Variants in NFIB observed in about 807,000 individuals in gnomAD.
The protein encoded by NFIB is nuclear factor I B.
A neutral mutation model predicts 61.5 loss-of-function variants in NFIB; 11 were observed. The observed-to-expected ratio is 0.18, with a 90% CI of 0.11 to 0.30. The LOEUF (loss-of-function observed/expected upper bound fraction) is 0.30, where lower values mean the gene tolerates loss of function less well. Ranked by LOEUF, NFIB falls within the 10% of genes least tolerant of loss-of-function variation. NFIB has a pLI of 1.00. For missense variants in NFIB, 471 were observed against 608.9 expected, an observed-to-expected ratio of 0.77 and a Z score of 2.38; for synonymous variants, 260 against 216.5, an observed-to-expected ratio of 1.20 and a Z score of -1.76.
chr9:14,297,079 T>C (rs2059488831), intron 2 of NFIB, among the ~76,000 whole-genome samples: 1 of 152,248 alleles, frequency 6.6e-6, no homozygotes, highest in Non-Finnish European at 1.5e-5. Context: ...CAAGTTGGAC[T>C]AGAAACTTTA....
In NFIB at chr9:14,379,686, T is replaced by C. The variant is rs146094540; in HGVS notation, c.108+18838A>G. Among the ~76,000 whole-genome samples, 90 of 152,254 alleles carry C rather than the reference T, an allele frequency of 5.9e-4. No homozygotes were observed. In the East Asian group the frequency reaches 0.015, roughly 26 times the overall value. On this transcript the variant is annotated intron_variant, in intron 1 of 8. Transcript: ENST00000380934. ...TAGGTTATCAGATTTTATTTATTTA[T>C]TTATTTATTTTTGGAGATGGAGTTT...
At chr9:14,478,211 C>A in the NFIB span, among the ~76,000 whole-genome samples, 1 of 152,006 alleles carries the variant, frequency 6.6e-6, no homozygotes, top group Non-Finnish European at 1.5e-5. Flanking sequence ...AGACTTCCTA[C>A]TAGGAAGCAC....
chr9:14,326,554 A>G lies in NFIB; in HGVS notation c.109-19034T>C, dbSNP rs116542236. On this transcript the variant is annotated intron_variant, in intron 1 of 8. Transcript: ENST00000380934. ...TCTCAAGTGGTTTGTGGTGTCATCA[A>G]AAACCTGAGATGGTGGTATGGCTCA... Among the ~76,000 whole-genome samples, 827 of 152,344 alleles carry G rather than the reference A, an allele frequency of 5.4e-3. 5 individuals are homozygous for G. The highest frequency in any genetic ancestry group is 0.019 in the African/African-American group (789 of 41,580).
the NFIB span, among the ~76,000 whole-genome samples, chr9:14,478,050 A>C: frequency 6.6e-6 from 1 of 152,250 alleles, no homozygotes; most frequent in African/African-American, 2.4e-5. Flanking sequence ...CAAAGCCAAG[A>C]AAGGCTCCCT....
chr9:14,095,495 C>T (rs1302312021), intron 10 of NFIB, among the ~76,000 whole-genome samples: 1 of 152,016 alleles, frequency 6.6e-6, no homozygotes, highest in Non-Finnish European at 1.5e-5. Context: ...CTACCCTGGG[C>T]TTCTTTTCAA....
chr9:14,247,262 G>GAT (rs1478673329), intron 2 of NFIB, among the ~76,000 whole-genome samples: 1 of 152,186 alleles, frequency 6.6e-6, no homozygotes, highest in East Asian at 1.9e-4. Flanking sequence ...TCTCTGGTAT[G>GAT]ATGCACAATG....
chr9:14,420,115 C>G, the NFIB span, among the ~76,000 whole-genome samples: 6 of 152,096 alleles, frequency 3.9e-5, no homozygotes, highest in African/African-American at 1.4e-4. Flanking sequence ...CATGTGAACT[C>G]TGGCTTCAGT....
the NFIB span, among the ~76,000 whole-genome samples, chr9:14,500,424 G>A: frequency 1.3e-5 from 2 of 152,024 alleles, no homozygotes; most frequent in African/African-American, 2.4e-5. Flanking sequence ...GTCAACTAAC[G>A]TTAGCCAACG....
chr9:14,406,616 C>A, the NFIB span, among the ~76,000 whole-genome samples: 1 of 152,242 alleles, frequency 6.6e-6, no homozygotes, highest in Non-Finnish European at 1.5e-5. Flanking sequence ...CTAGCTGTTC[C>A]TCTTTCTTAC....
intron 6 of NFIB, among the ~76,000 whole-genome samples, chr9:14,134,972 T>A (rs1022579045): frequency 5.4e-5 from 8 of 149,096 alleles, no homozygotes; most frequent in Admixed American, 5.3e-4. Context: ...ACAAAAAAAC[T>A]TACAAAATAG....
chr9:14,141,825 C>A (rs183249955), intron 6 of NFIB, among the ~76,000 whole-genome samples: 1 of 146,386 alleles, frequency 6.8e-6, no homozygotes, highest in Non-Finnish European at 1.5e-5. Flanking sequence ...CAGCTGAGGG[C>A]AACCCGCTGG....
At chr9:14,291,806 A>AT (rs1014812011) in intron 2 of NFIB, among the ~76,000 whole-genome samples, 31 of 151,992 alleles carry the variant, frequency 2.0e-4, no homozygotes, top group Non-Finnish European at 3.7e-4. Context: ...TTCAGTTAAA[A>AT]AAAAAAAAAG....
At chr9:14,427,943 T>TTTTTTTTTTTTTG in the NFIB span, among the ~76,000 whole-genome samples, 53 of 76,410 alleles carry the variant, frequency 6.9e-4, 5 homozygotes, top group African/African-American at 3.3e-3. Flanking sequence ...AGTTGTTTTT[T>TTTTTTTTTTTTTG]TTTTTTTTTT....
chr9:14,374,586 A>G (rs2061395525), intron 1 of NFIB, among the ~76,000 whole-genome samples: 1 of 152,204 alleles, frequency 6.6e-6, no homozygotes, highest in South Asian at 2.1e-4. Flanking sequence ...AGTTGCTCTA[A>G]AAGAAGAAAT....
chr9:14,389,612 T>C (rs1011018340), intron 1 of NFIB, among the ~76,000 whole-genome samples: 27 of 152,136 alleles, frequency 1.8e-4, no homozygotes, highest in African/African-American at 6.5e-4. Flanking sequence ...AAACCAAATA[T>C]ATAGATGTCT....
At chr9:14,445,184 T>C in the NFIB span, among the ~76,000 whole-genome samples, 1 of 152,184 alleles carries the variant, frequency 6.6e-6, no homozygotes, top group South Asian at 2.1e-4. Flanking sequence ...TTGGCAAACT[T>C]GCCAAACTCT....
chr9:14,474,969 G>A, the NFIB span, among the ~76,000 whole-genome samples: 1 of 152,166 alleles, frequency 6.6e-6, no homozygotes, highest in Non-Finnish European at 1.5e-5. Context: ...ATTGTGTGCT[G>A]CCCACCCACA....
intron 2 of NFIB, among the ~76,000 whole-genome samples, chr9:14,199,877 G>T (rs947244624): frequency 2.0e-5 from 3 of 152,186 alleles, no homozygotes; most frequent in Admixed American, 6.5e-5. Context: ...ACATTAGTTG[G>T]CTCAATCATA....
chr9:14,313,568 A>C lies in NFIB; in HGVS notation c.-57T>G. On this transcript the variant is annotated 5_prime_UTR_variant, in exon 1 of 11. Coordinates refer to ENST00000380953, the MANE Select transcript of NFIB (RefSeq NM_001190737.2). This position sits in a 1 kb window ranked among gnomAD's most constrained non-coding sequence, Gnocchi z 4.5. ...TGCCCAAGAAAATCTTCGAGAAGCAAGAATTTCATCTATTCATTTTACAGT... is the reference window on the plus strand; with the variant it reads ...TGCCCAAGAAAATCTTCGAGAAGCACGAATTTCATCTATTCATTTTACAGT... 6.2e-7 allele frequency: 1 copy of C among 1,612,542 alleles called. No homozygotes were observed.
Sources: allele counts gnomAD v4.1 joint callset (sites outside exome capture counted in the v4.1 genomes callset), GRCh38; gene constraint gnomAD v4.1.1; non-coding constraint Gnocchi (gnomAD v3.1); transcripts MANE v1.5; gene names NCBI Gene and HGNC (gene_info 2026-07-23, HGNC 2026-07-21).